FYB2: variants seen among roughly 807,000 people sequenced by gnomAD.
FYB2 encodes the protein FYN-binding protein 2.
A neutral mutation model predicts 94.1 loss-of-function variants in FYB2; 103 were observed. The observed-to-expected ratio is 1.09, with a 90% CI of 0.93 to 1.29. The LOEUF is 1.29. Ranked by LOEUF, FYB2 falls within the 50% of genes most tolerant of loss-of-function variation. The pLI is 0.00. For synonymous variants in FYB2, 293 were observed against 287.9 expected (o/e 1.02, Z -0.18); for missense variants, 896 against 841.5 (o/e 1.06, Z -0.80).
At chr1:56,777,640 A>C (rs1337083877) in intron 4 of FYB2, among the ~76,000 whole-genome samples, 4 of 152,056 alleles carry the variant, frequency 2.6e-5, no homozygotes, top group Non-Finnish European at 4.4e-5. Flanking sequence ...ACAACTATTA[A>C]ATGCTGTATG....
At chr1:56,782,981 C>T (rs1437295586) in intron 4 of FYB2, among the ~76,000 whole-genome samples, 1 of 152,162 alleles carries the variant, frequency 6.6e-6, no homozygotes, top group Non-Finnish European at 1.5e-5. Flanking sequence ...ATCTACTTTG[C>T]TCACACAAAT....
In FYB2 at chr1:56,726,502, T is replaced by C; in HGVS notation, c.1875A>G (p.Ser625=). Residue 625 remains serine (S), a synonymous_variant, in exon 16 of 20, where the codon TCA becomes TCG. Coordinates refer to ENST00000343433, the MANE Select transcript of FYB2 (RefSeq NM_001004303.5). ...AAGTGCCTCTGTGTTCCCACCTTTC[T>C]GATTCTTCAGCACCGTTTTTCTCTT... The part of the protein sequence containing the change: ...EKKEKNGAEE[S]ESFSPRNFFK... 1 of 1,611,474 alleles carries C rather than the reference T, an allele frequency of 6.2e-7. No homozygotes were observed. The highest frequency in any genetic ancestry group is 8.5e-7 in the Non-Finnish European group (1 of 1,178,664).
At chr1:56,790,850 A>C (rs1226392702) in intron 2 of FYB2, among the ~76,000 whole-genome samples, 5 of 152,196 alleles carry the variant, frequency 3.3e-5, no homozygotes, top group African/African-American at 1.2e-4. Flanking sequence ...GACCTCGGAA[A>C]GTTTTTTTTG....
At chr1:56,821,274 G>C (rs2153845), upstream of FYB2, among the ~76,000 whole-genome samples, 51,668 of 152,106 alleles carry the variant, frequency 0.34, 10,081 homozygotes, top group South Asian at 0.54. Context: ...AGGGCAGCAG[G>C]ACTCTCATCT....
chr1:56,726,357 A>T, intron 16 of FYB2, 140 bp downstream of exon 16: 1 of 684,858 alleles, frequency 1.5e-6, no homozygotes, highest in South Asian at 2.1e-5. Flanking sequence ...CAACTGTACC[A>T]TGATGTAGGT....
At chr1:56,724,237 T>C in intron 16 of FYB2, among the ~76,000 whole-genome samples, 1 of 152,056 alleles carries the variant, frequency 6.6e-6, no homozygotes, top group Non-Finnish European at 1.5e-5. Context: ...GTTTGCTGAA[T>C]GTTTTGGAGG....
chr1:56,807,873 A>T (rs1646681923), intron 1 of FYB2, among the ~76,000 whole-genome samples: 1 of 152,210 alleles, frequency 6.6e-6, no homozygotes, highest in South Asian at 2.1e-4. Context: ...CCATCAATAA[A>T]ATGGCAACAA....
chr1:56,731,769 A>G (rs857129), intron 15 of FYB2: 22,670 of 152,196 alleles, frequency 0.15, 1,761 homozygotes, highest in East Asian at 0.26. Context: ...ATAGATGCAG[A>G]AAAAGCATTT....
At chr1:56,744,681 C>T (rs1645031381) in intron 9 of FYB2, among the ~76,000 whole-genome samples, 1 of 151,836 alleles carries the variant, frequency 6.6e-6, no homozygotes, top group African/African-American at 2.4e-5. Context: ...GTTCTTAAAG[C>T]AAAATTTCTC....
chr1:56,806,676 T>C (rs1646655025), intron 1 of FYB2, among the ~76,000 whole-genome samples: 1 of 151,976 alleles, frequency 6.6e-6, no homozygotes, highest in African/African-American at 2.4e-5. Flanking sequence ...CAAAGCAAAG[T>C]GAAAAACAAA....
intron 15 of FYB2, 93 bp downstream of exon 15, chr1:56,736,994 G>T: frequency 2.1e-6 from 2 of 958,890 alleles, no homozygotes; most frequent in Non-Finnish European, 3.2e-6. Context: ...AATCTCCAAG[G>T]ATCTGAAAAG....
chr1:56,776,778 G>A (rs1194453786), intron 4 of FYB2, among the ~76,000 whole-genome samples: 1 of 152,114 alleles, frequency 6.6e-6, no homozygotes, highest in African/African-American at 2.4e-5. Flanking sequence ...ATTCGACCTT[G>A]ATACAGACAA....
intron 5 of FYB2, among the ~76,000 whole-genome samples, chr1:56,765,683 C>T (rs1166416006): frequency 6.6e-6 from 1 of 152,116 alleles, no homozygotes; most frequent in Non-Finnish European, 1.5e-5. Context: ...TTCTGAGTTG[C>T]TAACTTTTTT....
intron 5 of FYB2, 140 bp downstream of exon 5, chr1:56,767,685 GAAAA>G (rs879650358): frequency 3.6e-6 from 2 of 548,676 alleles, no homozygotes; most frequent in African/African-American, 4.1e-5. Context: ...ACCAGACACA[GAAAA>G]AAAAAAGAAA....
chr1:56,737,408 T>A (rs1329668474), intron 14 of FYB2: 7 of 288,074 alleles, frequency 2.4e-5, no homozygotes, highest in Non-Finnish European at 3.8e-5. Flanking sequence ...TTAATTTGCT[T>A]TTACATAGAG....
At chr1:56,817,463 T>G (rs2101120560) in intron 1 of FYB2, among the ~76,000 whole-genome samples, 1 of 152,324 alleles carries the variant, frequency 6.6e-6, no homozygotes, top group South Asian at 2.1e-4. Context: ...CCTTCCCTGC[T>G]TTGTGTATCT....
chr1:56,746,135 T>C (rs1480170448), intron 9 of FYB2, among the ~76,000 whole-genome samples: 1 of 151,988 alleles, frequency 6.6e-6, no homozygotes, highest in Non-Finnish European at 1.5e-5. Context: ...TTATTTATTG[T>C]CCGTCTCCTC....
In FYB2 at chr1:56,737,127, T is replaced by C. The variant is rs745827794; in HGVS notation, c.1753A>G (p.Ile585Val). The C allele has an allele frequency of 1.2e-6, 2 of 1,606,630 alleles. No individual in the cohort carries two copies. Among genetic ancestry groups the C allele is most frequent in the Non-Finnish European group, 1.7e-6 (2 of 1,175,372 alleles). The change falls in exon 15 of 20, where the codon ATT becomes GTT. Residue 585 changes from isoleucine (I) to valine (V), a missense_variant. Ile to Val is a conservative substitution (Grantham distance 29). Coordinates refer to ENST00000343433, the MANE Select transcript of FYB2 (RefSeq NM_001004303.5). Reference protein sequence around the residue: ...PDLELKSQEVIIYDDVDLSEK... With the variant: ...PDLELKSQEVVIYDDVDLSEK... ...CTCAGGTCTACATCATCATAAATAA[T>C]AACTTCCTGAGACTTAAGTTCTAGG...
rs540863339 is a variant in FYB2 at position 56,722,579 on chromosome 1, A to G, written c.1974+1009T>C. 4.6e-4 allele frequency among the ~76,000 whole-genome samples: 70 copies of G among 152,190 alleles called. 2 individuals carry two copies. The South Asian group carries it at 0.01, about 23-fold the overall frequency. Reference sequence around the variant, plus strand: ...AGCTAGTCAGATACAGAAAAGTGCAAAGGTGTACCAGAGAGTTGGAATAGA... The same window carrying G: ...AGCTAGTCAGATACAGAAAAGTGCAGAGGTGTACCAGAGAGTTGGAATAGA... On this transcript the variant is annotated intron_variant, in intron 17 of 19. Transcript: ENST00000343433.
Sources: allele counts gnomAD v4.1 joint callset (sites outside exome capture counted in the v4.1 genomes callset), GRCh38; gene constraint gnomAD v4.1.1; transcripts MANE v1.5; gene names NCBI Gene and HGNC (gene_info 2026-07-23, HGNC 2026-07-21).